Variants in HECW1 observed in about 807,000 individuals in gnomAD.
HECW1 encodes HECT, C2 and WW domain containing E3 ubiquitin protein ligase 1.
HECW1 carries 61 observed loss-of-function variants against 182.3 expected under a neutral mutation model. That is an observed-to-expected ratio of 0.33 (90% CI 0.27 to 0.41). The LOEUF is 0.41. Among genes scored for constraint, HECW1 ranks in the 10% least tolerant of loss-of-function variants. The pLI, the probability that HECW1 is intolerant of heterozygous loss-of-function variation, is 1.00. For synonymous variants in HECW1, 859 were observed against 832.6 expected, an observed-to-expected ratio of 1.03 and a Z score of -0.55; for missense variants, 1,739 against 2,108.9, an observed-to-expected ratio of 0.82 and a Z score of 3.44.
intron 6 of HECW1, among the ~76,000 whole-genome samples, chr7:43,379,981 C>T (rs112090588): frequency 2.6e-5 from 4 of 152,350 alleles, no homozygotes; most frequent in African/African-American, 9.6e-5. Context: ...GCAGACGGCC[C>T]ATAAAACATT....
intron 3 of HECW1, among the ~76,000 whole-genome samples, chr7:43,279,531 A>G (rs1036220334): frequency 2.0e-5 from 3 of 151,920 alleles, no homozygotes; most frequent in Non-Finnish European, 2.9e-5. Flanking sequence ...CTGGGGCCTC[A>G]CTAGTCTTCA....
intron 8 of HECW1, among the ~76,000 whole-genome samples, chr7:43,416,563 C>G (rs927924529): frequency 3.3e-5 from 5 of 151,950 alleles, no homozygotes; most frequent in Non-Finnish European, 5.9e-5. Flanking sequence ...CCACCCAGTT[C>G]GAGCTTCCAG....
At chr7:43,557,088 T>TAA (rs76358585) in intron 29 of HECW1, among the ~76,000 whole-genome samples, 5 of 151,890 alleles carry the variant, frequency 3.3e-5, no homozygotes, top group Non-Finnish European at 7.4e-5. Flanking sequence ...TCAAAGAACC[T>TAA]AAAAAAATGT....
chr7:43,153,667 G>T (rs895957359), intron 2 of HECW1, among the ~76,000 whole-genome samples: 1 of 152,122 alleles, frequency 6.6e-6, no homozygotes, highest in Non-Finnish European at 1.5e-5. Flanking sequence ...GAGCTATGTG[G>T]CATCTGACAA....
chr7:43,466,254 T>C (rs2077775679), intron 14 of HECW1, among the ~76,000 whole-genome samples, 193 bp from the exon 15 acceptor site: 1 of 152,194 alleles, frequency 6.6e-6, no homozygotes, highest in Admixed American at 6.5e-5. Context: ...TGAGCCTTAC[T>C]GAAGTTATGC....
intron 6 of HECW1, among the ~76,000 whole-genome samples, chr7:43,374,197 C>T (rs1262832570): frequency 6.6e-6 from 1 of 152,154 alleles, no homozygotes; most frequent in Non-Finnish European, 1.5e-5. Context: ...TAAAAAGAAA[C>T]ACTACGAAAA....
At chr7:43,327,003 G>A (rs1810876821) in intron 5 of HECW1, among the ~76,000 whole-genome samples, 1 of 152,204 alleles carries the variant, frequency 6.6e-6, no homozygotes, top group Non-Finnish European at 1.5e-5. Flanking sequence ...TTTCAACTTG[G>A]GCATGTTTTC....
In HECW1 at chr7:43,508,080, G is replaced by A. The variant is rs367661051; in HGVS notation, c.3815G>A (p.Arg1272Gln). The change falls in exon 23 of 30, where the codon CGG becomes CAG. Residue 1272 changes from arginine to glutamine, a missense_variant. Around this residue, in one of 5 missense-constraint regions of HECW1, gnomAD observed 420 missense variants for 595.7 expected, o/e 0.71. Transcript: ENST00000395891. ...GTFNQVMAYS[R>Q]KELQRNKLYV... ...TTCAATCAGGTGATGGCCTATTCGC[G>A]GAAAGAGCTCCAGCGAAACAAGCTC... 3.6e-5 allele frequency: 58 copies of A among 1,613,892 alleles called. No individual in the cohort carries two copies. Among genetic ancestry groups the A allele is most frequent in the South Asian group, 5.5e-5 (5 of 91,086 alleles).
Position 43,491,983 on chromosome 7 carries a change from A to G in HECW1, c.3235-92A>G. Reference sequence around the variant, plus strand: ...ACTTTTTCAACTTAGGTGACTTCAAAATCTTTTACCCCTTAGGTTGAAAAA... The same window carrying G: ...ACTTTTTCAACTTAGGTGACTTCAAGATCTTTTACCCCTTAGGTTGAAAAA... On this transcript the variant is annotated intron_variant, in intron 17 of 29. Transcript: ENST00000395891. The G allele has an allele frequency of 4.4e-6, 4 of 900,306 alleles. No individual in the cohort carries two copies. In the Admixed American group the frequency reaches 9.7e-5, roughly 22 times the overall value. 55.8% of individuals were successfully genotyped at this position (900,306 alleles called of 1,614,324 possible).
At chr7:43,516,462 C>A (rs745490590) in intron 24 of HECW1, among the ~76,000 whole-genome samples, 2 of 152,058 alleles carry the variant, frequency 1.3e-5, no homozygotes, top group African/African-American at 4.8e-5. Context: ...AATTTGGAGC[C>A]TCTCACTCAT....
chr7:43,335,554 T>G (rs377147180), intron 5 of HECW1, among the ~76,000 whole-genome samples: 2 of 152,250 alleles, frequency 1.3e-5, no homozygotes, highest in East Asian at 3.8e-4. Context: ...CATTGAACTT[T>G]CCAGCCTTCA....
At chr7:43,357,492 C>T (rs887665157) in intron 5 of HECW1, among the ~76,000 whole-genome samples, 9 of 152,096 alleles carry the variant, frequency 5.9e-5, no homozygotes, top group African/African-American at 9.6e-5. Flanking sequence ...TGTTTTCATT[C>T]GTATGTGGGA....
chr7:43,144,850 C>T (rs569904626), intron 2 of HECW1, among the ~76,000 whole-genome samples: 56 of 152,206 alleles, frequency 3.7e-4, no homozygotes, highest in Non-Finnish European at 6.0e-4. Flanking sequence ...GCTGGTTTTA[C>T]GGTATTTTTG....
chr7:43,513,928 C>T (rs1340985261), intron 24 of HECW1, among the ~76,000 whole-genome samples: 1 of 152,192 alleles, frequency 6.6e-6, no homozygotes, highest in African/African-American at 2.4e-5. Context: ...ACTGTGGTCA[C>T]TCAAGGACAC....
chr7:43,274,295 AC>A, intron 3 of HECW1: 1 of 1,038,016 alleles, frequency 9.6e-7, no homozygotes, highest in Non-Finnish European at 1.4e-6. Context: ...CGCTTCTGGT[AC>A]TTTGTATCTC....
intron 2 of HECW1, among the ~76,000 whole-genome samples, chr7:43,135,979 C>CCT (rs1787485593): frequency 7.0e-6 from 1 of 143,570 alleles, no homozygotes; most frequent in African/African-American, 2.5e-5. Flanking sequence ...ACCATTTACA[C>CCT]TTTTTTTTTT....
chr7:43,560,237 A>G lies in HECW1; in HGVS notation c.4710-1578A>G, dbSNP rs140628936. On this transcript the variant is annotated intron_variant, in intron 29 of 29. Coordinates refer to ENST00000395891, the MANE Select transcript of HECW1 (RefSeq NM_015052.5). ...GAAATCACTGTAACCATCCTACTCA[A>G]TTTACTGAGTTCCCTTTCACTCAAA... Among the ~76,000 whole-genome samples the G allele has an allele frequency of 4.5e-3, 683 of 152,312 alleles. 5 individuals carry two copies. The highest frequency in any genetic ancestry group is 0.017 in the South Asian group (84 of 4,828).
chr7:43,550,616 G>A (rs749937521), intron 27 of HECW1, 25 bp downstream of exon 27: 22 of 1,574,764 alleles, frequency 1.4e-5, no homozygotes, highest in Non-Finnish European at 3.4e-6. Flanking sequence ...CCTGGGGAAG[G>A]CAAGCTGTGG....
At chr7:43,409,114 T>C (rs1429996242) in intron 8 of HECW1, among the ~76,000 whole-genome samples, 1 of 152,194 alleles carries the variant, frequency 6.6e-6, no homozygotes, top group Non-Finnish European at 1.5e-5. Context: ...ATCTATTAAA[T>C]CATACCACCC....
Sources: allele counts gnomAD v4.1 joint callset (sites outside exome capture counted in the v4.1 genomes callset), GRCh38; gene constraint gnomAD v4.1.1; regional missense constraint gnomAD v4.1.1; transcripts MANE v1.5; gene names NCBI Gene and HGNC (gene_info 2026-07-23, HGNC 2026-07-21).